The following LITAFD variants were observed in gnomAD, a reference collection of about 807,000 sequenced individuals.
LITAFD encodes LITAF domain containing, also known as lITAF domain-containing protein.
chr16:8,884,875 A>G (rs2061558302), intron 3 of LITAFD, among the ~76,000 whole-genome samples: 1 of 152,176 alleles, frequency 6.6e-6, no homozygotes, highest in Non-Finnish European at 1.5e-5. Context: ...ACTTGAGGTC[A>G]GGAGTTATAG....
At chr16:8,884,274 G>A (rs1040740242) in intron 2 of LITAFD, 49 bp from the exon 3 acceptor site, 1 of 398,568 alleles carries the variant, frequency 2.5e-6, no homozygotes, top group East Asian at 3.6e-5. Context: ...AGCCACAGGG[G>A]TCCTGGCCCC....
intron 1 of LITAFD, among the ~76,000 whole-genome samples, 173 bp from the exon 2 acceptor site, chr16:8,883,037 T>C (rs558801372): frequency 6.6e-6 from 1 of 152,240 alleles, no homozygotes; most frequent in African/African-American, 2.4e-5. Flanking sequence ...GGTTTCACCA[T>C]GTTGGCCAGA....
At chr16:8,884,371 G>A (rs920203035) in exon 3 of LITAFD, 11 of 399,076 alleles carry the variant, frequency 2.8e-5, no homozygotes, top group Admixed American at 4.4e-5. Flanking sequence ...GGTGCAGGCC[G>A]TGTGTCCCTA....
intron 1 of LITAFD, 68 bp downstream of exon 1, chr16:8,882,578 C>T (rs1267137683): frequency 1.3e-5 from 2 of 152,346 alleles, no homozygotes. Context: ...CTGGAGACCG[C>T]AGGAAGCAGA....
exon 4 of LITAFD, chr16:8,885,274 C>G (rs1432906978): frequency 2.5e-6 from 1 of 399,188 alleles, no homozygotes. Flanking sequence ...AGCGCGAGCT[C>G]TTCTACTACC....
chr16:8,884,932 A>T (rs150127372), intron 3 of LITAFD, among the ~76,000 whole-genome samples: 4,425 of 152,290 alleles, frequency 0.029, 99 homozygotes, highest in Non-Finnish European at 0.041. Context: ...CTCTATTAAA[A>T]ATACAAAATT....
intron 1 of LITAFD, 68 bp from the exon 2 acceptor site, chr16:8,883,142 T>C (rs1277444848): frequency 6.6e-6 from 1 of 152,188 alleles, no homozygotes; most frequent in East Asian, 1.9e-4. Context: ...GGCCTAAGTT[T>C]TGAGCTAAGT....
intron 2 of LITAFD, among the ~76,000 whole-genome samples, chr16:8,884,090 G>GAAAAAT (rs1406303865): frequency 2.5e-4 from 38 of 152,068 alleles, no homozygotes; most frequent in African/African-American, 8.7e-4. Context: ...AAAGAAAAAA[G>GAAAAAT]CACCCTTAGA....
chr16:8,883,997 G>A (rs1303680038), intron 2 of LITAFD, among the ~76,000 whole-genome samples: 8 of 152,096 alleles, frequency 5.3e-5, no homozygotes, highest in African/African-American at 1.9e-4. Context: ...CCCGGGAGGC[G>A]GAGGTTGCAG....
rs1324804089 is a variant in LITAFD at position 8,884,306 on chromosome 16, G to A, written c.-33-17G>A. The A allele has an allele frequency of 2.3e-5, 9 of 398,888 alleles. No homozygotes were observed. Among genetic ancestry groups the A allele is most frequent in the Non-Finnish European group, 2.2e-5 (5 of 226,076 alleles). The allele number at this position is 398,888 out of a possible 1,614,324, so 24.7% of individuals were successfully genotyped here. ...CCCCGGGGGGTCCCACCTGCTTCCC[G>A]CTTCCCACTCCCACAGCTGTATGCC... On this transcript the variant is annotated splice_polypyrimidine_tract_variant and intron_variant, in intron 2 of 3. Coordinates refer to ENST00000636296, the Ensembl canonical transcript of LITAFD.
In LITAFD at chr16:8,884,667, T is replaced by A. The variant is rs1596338977; in HGVS notation, c.110+202T>A. ...GACCTCCCATGAGAACAGCAGGGAG[T>A]GGAGGGGTGAGTGATGCCTACAAAG... On this transcript the variant is annotated intron_variant, in intron 3 of 3. Transcript: ENST00000636296. Among the ~76,000 whole-genome samples, 7 of 151,342 alleles carry A rather than the reference T, an allele frequency of 4.6e-5. No individual in the cohort carries two copies. In the South Asian group the frequency reaches 6.3e-4, roughly 14 times the overall value.
At chr16:8,883,651 G>A (rs985748186) in intron 2 of LITAFD, among the ~76,000 whole-genome samples, 1 of 152,178 alleles carries the variant, frequency 6.6e-6, no homozygotes, top group African/African-American at 2.4e-5. Context: ...CCCCAGGTGG[G>A]GCCTGGGTTT....
intron 2 of LITAFD, among the ~76,000 whole-genome samples, chr16:8,883,561 A>G (rs1003955180): frequency 9.9e-5 from 15 of 151,914 alleles, no homozygotes; most frequent in African/African-American, 3.6e-4. Context: ...GCACTCAGGA[A>G]ATTTTTATGG....
intron 3 of LITAFD, among the ~76,000 whole-genome samples, chr16:8,884,696 C>A (rs976963512): frequency 6.6e-6 from 1 of 152,156 alleles, no homozygotes; most frequent in South Asian, 2.1e-4. Flanking sequence ...TACAAAGCAG[C>A]CAGCTTAGGA....
chr16:8,884,924 CTA>C (rs774104407), intron 3 of LITAFD, among the ~76,000 whole-genome samples: 1 of 152,162 alleles, frequency 6.6e-6, no homozygotes, highest in Non-Finnish European at 1.5e-5. Flanking sequence ...GTCTCTAACT[CTA>C]TTAAAAATAC....
At chr16:8,883,828 G>A (rs549933011) in intron 2 of LITAFD, among the ~76,000 whole-genome samples, 1 of 152,320 alleles carries the variant, frequency 6.6e-6, no homozygotes, top group East Asian at 1.9e-4. Context: ...ACTTTGGGAG[G>A]CCAAGGCAGG....
At chr16:8,882,926 CTG>C (rs1207836596) in intron 1 of LITAFD, 2 of 152,248 alleles carry the variant, frequency 1.3e-5, no homozygotes, top group Non-Finnish European at 2.9e-5. Flanking sequence ...CTTTCAGAAT[CTG>C]TTTTCCAAGT....
intron 3 of LITAFD, among the ~76,000 whole-genome samples, 186 bp downstream of exon 3, chr16:8,884,651 T>C (rs546150758): frequency 5.3e-5 from 8 of 152,060 alleles, no homozygotes; most frequent in Admixed American, 1.3e-4. Flanking sequence ...GGACCTCCCA[T>C]GAGAACAGCA....
At chr16:8,882,636 C>T (rs1261139536) in intron 1 of LITAFD, 126 bp downstream of exon 1, 2 of 152,666 alleles carry the variant, frequency 1.3e-5, no homozygotes, top group Admixed American at 6.5e-5. Flanking sequence ...CCTCAGTCCT[C>T]ACCACCCTTC....
Sources: allele counts gnomAD v4.1 joint callset (sites outside exome capture counted in the v4.1 genomes callset), GRCh38; gene constraint gnomAD v4.1.1; transcripts MANE v1.5; gene names NCBI Gene and HGNC (gene_info 2026-07-23, HGNC 2026-07-21).